Variants in ANAPC10 observed in about 807,000 individuals in gnomAD.
The protein encoded by ANAPC10 is anaphase promoting complex subunit 10.
ANAPC10 carries 12 observed loss-of-function variants against 22.0 expected under a neutral mutation model. The ratio of observed to expected loss-of-function variants is 0.55; its 90% confidence interval spans 0.35 to 0.88. The LOEUF is 0.88. ANAPC10 is among the 40% of genes least tolerant of loss of function. The probability of loss-of-function intolerance (pLI) is 0.01; values close to 1 mark genes in which losing one functional copy is unlikely to be tolerated. For synonymous variants in ANAPC10, 65 were observed against 69.5 expected (o/e 0.94, Z 0.32); for missense variants, 188 against 220.9 (o/e 0.85, Z 0.94).
chr4:145,061,522 C>T (rs1030857382), intron 4 of ANAPC10, among the ~76,000 whole-genome samples: 2 of 152,082 alleles, frequency 1.3e-5, no homozygotes, highest in Non-Finnish European at 2.9e-5. Flanking sequence ...AAATAAAGGA[C>T]AACAGTGACA....
At chr4:145,026,220 T>G (rs572803592) in intron 4 of ANAPC10, among the ~76,000 whole-genome samples, 5 of 152,296 alleles carry the variant, frequency 3.3e-5, no homozygotes, top group Admixed American at 1.3e-4. Flanking sequence ...CTATACATAA[T>G]GATGTGTGAA....
intron 3 of ANAPC10, among the ~76,000 whole-genome samples, chr4:145,078,876 T>C (rs1011620775): frequency 1.3e-5 from 2 of 151,932 alleles, no homozygotes; most frequent in African/African-American, 4.8e-5. Context: ...AAAAATCAAC[T>C]CAAGATTTAT....
At chr4:145,006,797 C>G (rs1733441232) in intron 4 of ANAPC10, among the ~76,000 whole-genome samples, 1 of 151,980 alleles carries the variant, frequency 6.6e-6, no homozygotes, top group Non-Finnish European at 1.5e-5. Context: ...CTGAAATGTC[C>G]TGTTTTGTTG....
At chr4:145,059,647 G>A (rs1430077596) in intron 4 of ANAPC10, among the ~76,000 whole-genome samples, 1 of 151,994 alleles carries the variant, frequency 6.6e-6, no homozygotes, top group African/African-American at 2.4e-5. Context: ...AATAATTTGA[G>A]AACTGTCACA....
intron 3 of ANAPC10, among the ~76,000 whole-genome samples, chr4:145,072,676 T>C (rs964012746): frequency 6.6e-6 from 1 of 152,138 alleles, no homozygotes; most frequent in Non-Finnish European, 1.5e-5. Context: ...AGCTCTCAAG[T>C]GCTAAAAAAA....
chr4:145,039,738 G>T (rs572284743), intron 4 of ANAPC10, among the ~76,000 whole-genome samples: 3 of 151,908 alleles, frequency 2.0e-5, no homozygotes, highest in South Asian at 2.1e-4. Context: ...AGGACTACAG[G>T]CACGCACCAC....
intron 4 of ANAPC10, among the ~76,000 whole-genome samples, chr4:145,027,097 G>A (rs1736878024): frequency 7.3e-6 from 1 of 136,592 alleles, no homozygotes; most frequent in Non-Finnish European, 1.5e-5. Context: ...TCTGCCACCT[G>A]GGTTCAAGCA....
chr4:145,008,781 G>C (rs1299018577), intron 4 of ANAPC10, among the ~76,000 whole-genome samples: 3 of 152,168 alleles, frequency 2.0e-5, no homozygotes, highest in South Asian at 2.1e-4. Flanking sequence ...ACTGGCACGA[G>C]ACAGGGATGC....
intron 4 of ANAPC10, among the ~76,000 whole-genome samples, chr4:145,059,382 C>T (rs998355650): frequency 7.2e-5 from 11 of 152,228 alleles, no homozygotes; most frequent in South Asian, 2.1e-4. Context: ...GAAAACATTA[C>T]AGCTCTCTCT....
chr4:145,093,421 C>A (rs1747994488), intron 2 of ANAPC10, among the ~76,000 whole-genome samples: 1 of 151,798 alleles, frequency 6.6e-6, no homozygotes, highest in Admixed American at 6.6e-5. Flanking sequence ...ATCTACTAAT[C>A]TGCACATATT....
intron 4 of ANAPC10, among the ~76,000 whole-genome samples, chr4:145,016,728 A>C (rs1735224316): frequency 6.6e-6 from 1 of 152,214 alleles, no homozygotes; most frequent in African/African-American, 2.4e-5. Flanking sequence ...CTATACTACA[A>C]GGCTACAGTA....
chr4:145,021,999 T>G (rs180862607), intron 4 of ANAPC10, among the ~76,000 whole-genome samples: 1 of 152,196 alleles, frequency 6.6e-6, no homozygotes, highest in East Asian at 1.9e-4. Context: ...ATGGCCATAA[T>G]CAAAAAATCA....
At chr4:144,998,725 A>G (rs1357078392) in intron 4 of ANAPC10, among the ~76,000 whole-genome samples, 1 of 152,210 alleles carries the variant, frequency 6.6e-6, no homozygotes, top group African/African-American at 2.4e-5. Context: ...AGCAAGAGCA[A>G]ACACATTCAA....
At chr4:145,076,995 C>T (rs1745294736) in intron 3 of ANAPC10, among the ~76,000 whole-genome samples, 1 of 152,072 alleles carries the variant, frequency 6.6e-6, no homozygotes, top group Non-Finnish European at 1.5e-5. Flanking sequence ...GTCAGGAGAT[C>T]GAGACCATTC....
chr4:145,074,230 A>C (rs1744885011), intron 3 of ANAPC10, among the ~76,000 whole-genome samples: 1 of 151,540 alleles, frequency 6.6e-6, no homozygotes, highest in Non-Finnish European at 1.5e-5. Flanking sequence ...AGAACATTTC[A>C]TTTTCTTATT....
At chr4:145,029,401 TGGCA>T (rs768200859) in intron 4 of ANAPC10, among the ~76,000 whole-genome samples, 15 of 152,122 alleles carry the variant, frequency 9.9e-5, no homozygotes, top group Non-Finnish European at 1.9e-4. Context: ...ACTAAAGTCC[TGGCA>T]GGACCCTGGA....
intron 4 of ANAPC10, among the ~76,000 whole-genome samples, chr4:145,052,459 G>A (rs374092355): frequency 6.6e-6 from 1 of 152,002 alleles, no homozygotes; most frequent in African/African-American, 2.4e-5. Flanking sequence ...TGGAATCCGC[G>A]TATTTTCTAA....
intron 4 of ANAPC10, among the ~76,000 whole-genome samples, chr4:145,034,720 T>C (rs895844888): frequency 4.0e-5 from 6 of 151,876 alleles, no homozygotes; most frequent in Non-Finnish European, 5.9e-5. Flanking sequence ...CAGATGGTGA[T>C]GCAGGTTCGA....
chr4:145,028,928 A>C (rs1018349557), intron 4 of ANAPC10, among the ~76,000 whole-genome samples: 1 of 152,214 alleles, frequency 6.6e-6, no homozygotes, highest in Non-Finnish European at 1.5e-5. Flanking sequence ...AAATCTGCTA[A>C]GACTGCCCTA....
Sources: gnomAD v4.1 joint callset for allele counts (sites outside exome capture counted in the v4.1 genomes callset) on GRCh38, gnomAD v4.1.1 for gene constraint, MANE v1.5 for transcripts, NCBI Gene and HGNC (gene_info 2026-07-23, HGNC 2026-07-21) for gene names.